TMCC1: variants seen among roughly 807,000 people sequenced by gnomAD.
The protein encoded by TMCC1 is transmembrane and coiled-coil domains protein 1.
A neutral mutation model predicts 52.4 loss-of-function variants in TMCC1; 15 were observed. The ratio of observed to expected loss-of-function variants is 0.29; its 90% CI spans 0.19 to 0.44. The LOEUF is 0.44. Ranked by LOEUF, TMCC1 falls within the 20% of genes least tolerant of loss-of-function variation. The pLI is 1.00. For synonymous variants in TMCC1, 279 were observed against 301.9 expected (o/e 0.92, Z 0.79); for missense variants, 503 against 806.0 (o/e 0.62, Z 4.55).
intron 4 of TMCC1, among the ~76,000 whole-genome samples, chr3:129,719,178 A>G (rs755416366): frequency 1.1e-4 from 16 of 152,176 alleles, no homozygotes; most frequent in Non-Finnish European, 2.2e-4. Flanking sequence ...TGGGAGGGTA[A>G]AGGAAGGAGA....
At chr3:129,755,438 T>C (rs2052913844) in intron 4 of TMCC1, among the ~76,000 whole-genome samples, 1 of 152,106 alleles carries the variant, frequency 6.6e-6, no homozygotes, top group South Asian at 2.1e-4. Flanking sequence ...GAGAAAGTGC[T>C]AAGAGAATGA....
chr3:129,829,156 C>T (rs949099218), intron 3 of TMCC1, among the ~76,000 whole-genome samples: 1 of 152,072 alleles, frequency 6.6e-6, no homozygotes, highest in Non-Finnish European at 1.5e-5. Flanking sequence ...CTTTCTGGCA[C>T]CATATGAGTG....
At chr3:129,652,591 A>C (rs75151391) in intron 6 of TMCC1, among the ~76,000 whole-genome samples, 329 of 152,314 alleles carry the variant, frequency 2.2e-3, no homozygotes, top group Admixed American at 5.2e-3. Context: ...ATAAACCATA[A>C]AATCTCATCA....
At chr3:129,773,111 C>T (rs192373454) in intron 4 of TMCC1, among the ~76,000 whole-genome samples, 10 of 152,282 alleles carry the variant, frequency 6.6e-5, no homozygotes, top group African/African-American at 2.2e-4. Context: ...AGAAACAACA[C>T]AAATGTCCAA....
At chr3:129,748,387 A>G (rs1330824776) in intron 4 of TMCC1, among the ~76,000 whole-genome samples, 1 of 152,174 alleles carries the variant, frequency 6.6e-6, no homozygotes, top group African/African-American at 2.4e-5. Context: ...TCCCAGGCTC[A>G]AGCGATTCTC....
chr3:129,800,488 A>AT (rs925988047), intron 4 of TMCC1, among the ~76,000 whole-genome samples: 42 of 146,382 alleles, frequency 2.9e-4, no homozygotes, highest in South Asian at 1.3e-3. Context: ...CCAACTCTTG[A>AT]TTTTTTTTTT....
intron 5 of TMCC1, among the ~76,000 whole-genome samples, chr3:129,662,619 G>C (rs368044199): frequency 1.3e-5 from 2 of 152,118 alleles, no homozygotes; most frequent in African/African-American, 2.4e-5. Flanking sequence ...GCCTGGGCAA[G>C]AGTGAGACTC....
chr3:129,775,467 G>GA (rs1560392236), intron 4 of TMCC1, among the ~76,000 whole-genome samples: 4 of 151,250 alleles, frequency 2.6e-5, no homozygotes, highest in Admixed American at 1.3e-4. Context: ...ACCCTGTCTC[G>GA]AAAAAAAAGA....
At chr3:129,717,110 T>C (rs890018902) in intron 4 of TMCC1, among the ~76,000 whole-genome samples, 2 of 152,226 alleles carry the variant, frequency 1.3e-5, no homozygotes, top group African/African-American at 4.8e-5. Context: ...CAGTTACTTC[T>C]TCCTACTGCA....
In TMCC1 at chr3:129,759,710, CTTTTTTTTTTTTTT is replaced by C. The variant is rs61519484; in HGVS notation, c.576+68079_576+68092del. On this transcript the variant is annotated intron_variant, in intron 4 of 6. Transcript: ENST00000393238. ...GCATGAGCCACTGCAGCCAGCCAAA[CTTTTTTTTTTTTTT>C]TTTTTTTTTTTTTTTGAGACGGAGT... 1.2e-3 allele frequency among the ~76,000 whole-genome samples: 43 copies of C among 37,222 alleles called. 1 individual carries two copies. In the East Asian group the frequency reaches 0.035, roughly 30 times the overall value. The allele number at this position is 37,222 out of a possible 152,430, so 24.4% of individuals were successfully genotyped here. A position where few individuals can be genotyped will look rare whatever the true frequency, so the allele number is the denominator to read the frequency against.
intron 4 of TMCC1, among the ~76,000 whole-genome samples, chr3:129,705,688 C>T (rs545278048): frequency 2.7e-5 from 4 of 149,842 alleles, no homozygotes; most frequent in East Asian, 4.0e-4. Context: ...CTGCAAGCTC[C>T]GCCTCCTGGG....
chr3:129,836,056 CTG>C (rs1464677887), intron 2 of TMCC1, among the ~76,000 whole-genome samples: 1 of 152,030 alleles, frequency 6.6e-6, no homozygotes, highest in Non-Finnish European at 1.5e-5. Context: ...TACTAACAAA[CTG>C]AAACACAGCT....
chr3:129,804,923 A>G (rs2057379350), intron 4 of TMCC1, among the ~76,000 whole-genome samples: 1 of 152,236 alleles, frequency 6.6e-6, no homozygotes, highest in South Asian at 2.1e-4. Flanking sequence ...TATATTGGAC[A>G]GAAGAATCTT....
intron 4 of TMCC1, among the ~76,000 whole-genome samples, chr3:129,745,611 G>GGA (rs1008467028): frequency 1.6e-4 from 24 of 152,066 alleles, no homozygotes; most frequent in East Asian, 5.8e-4. Context: ...CCTTCCCAAA[G>GGA]GAGAGAGAGA....
intron 4 of TMCC1, among the ~76,000 whole-genome samples, chr3:129,790,151 A>C (rs2056350225): frequency 6.6e-6 from 1 of 152,228 alleles, no homozygotes; most frequent in Non-Finnish European, 1.5e-5. Flanking sequence ...TTAATATAGA[A>C]AGTGGCTGCT....
At chr3:129,703,463 G>T (rs921501083) in intron 4 of TMCC1, among the ~76,000 whole-genome samples, 83 of 152,196 alleles carry the variant, frequency 5.5e-4, no homozygotes, top group Non-Finnish European at 8.7e-4. Context: ...GTAAGATGGG[G>T]TTGGGAGAGT....
chr3:129,715,313 C>T (rs536842999), intron 4 of TMCC1, among the ~76,000 whole-genome samples: 58 of 152,322 alleles, frequency 3.8e-4, no homozygotes, highest in Non-Finnish European at 2.6e-4. Context: ...AATCCCAGCA[C>T]TTTGGGAGGC....
At chr3:129,878,024 T>C (rs1190047272) in intron 2 of TMCC1, among the ~76,000 whole-genome samples, 1 of 151,692 alleles carries the variant, frequency 6.6e-6, no homozygotes. Context: ...AATGGCGCAA[T>C]CTCGGCTCAC....
intron 4 of TMCC1, among the ~76,000 whole-genome samples, chr3:129,743,252 C>G (rs1342372128): frequency 6.6e-6 from 1 of 152,134 alleles, no homozygotes; most frequent in Non-Finnish European, 1.5e-5. Flanking sequence ...ACGAGTCTCA[C>G]TTGTCAGTTT....
Sources: gnomAD v4.1 joint callset for allele counts (sites outside exome capture counted in the v4.1 genomes callset) on GRCh38, gnomAD v4.1.1 for gene constraint, MANE v1.5 for transcripts, NCBI Gene and HGNC (gene_info 2026-07-23, HGNC 2026-07-21) for gene names.